COQ10B: variants seen among roughly 807,000 people sequenced by gnomAD.
COQ10B encodes the protein coenzyme Q-binding protein COQ10 homolog B, mitochondrial.
COQ10B carries 12 observed loss-of-function variants against 27.6 expected under a neutral mutation model. The ratio of observed to expected loss-of-function variants is 0.43; its 90% CI spans 0.28 to 0.70. COQ10B has a LOEUF of 0.70. Ranked by LOEUF, COQ10B falls within the 30% of genes least tolerant of loss-of-function variation. The probability of loss-of-function intolerance (pLI) is 0.17; values close to 1 mark genes in which losing one functional copy is unlikely to be tolerated. For synonymous variants in COQ10B, 115 were observed against 103.0 expected (o/e 1.12, Z -0.71); for missense variants, 278 against 288.7 (o/e 0.96, Z 0.27).
intron 1 of COQ10B, 173 bp downstream of exon 1, chr2:197,453,837 A>G: frequency 9.1e-7 from 1 of 1,098,356 alleles, no homozygotes; most frequent in Admixed American, 2.5e-5. Flanking sequence ...AGCGGCGCGC[A>G]TCACCTTGGG....
At chr2:197,461,906 G>T (rs2085763675) in intron 2 of COQ10B, among the ~76,000 whole-genome samples, 1 of 151,878 alleles carries the variant, frequency 6.6e-6, no homozygotes, top group Admixed American at 6.6e-5. Flanking sequence ...TTCCCAAAGT[G>T]CTGGGATTAC....
intron 3 of COQ10B, among the ~76,000 whole-genome samples, chr2:197,464,398 G>T (rs2085801813): frequency 6.6e-6 from 1 of 152,042 alleles, no homozygotes; most frequent in Non-Finnish European, 1.5e-5. Flanking sequence ...TCTTTGTTAG[G>T]CATTGAAGGG....
rs988693365 is a variant in COQ10B at position 197,475,101 on chromosome 2, T to C, written c.*1177T>C. On this transcript the variant is annotated 3_prime_UTR_variant, in exon 5 of 5. Coordinates refer to ENST00000263960, the MANE Select transcript of COQ10B (RefSeq NM_025147.5). ...AAGGACTGAAGTTGAAGTAGCAATG[T>C]AATAAAGTTAATTTGTTTATTTTTT... 3.3e-5 allele frequency: 5 copies of C among 152,376 alleles called. No individual in the cohort carries two copies. Among genetic ancestry groups the C allele is most frequent in the Non-Finnish European group, 7.3e-5 (5 of 68,040 alleles). 9.4% of individuals were successfully genotyped at this position (152,376 alleles called of 1,614,324 possible).
At chr2:197,462,118 A>C (rs932101301) in intron 2 of COQ10B, among the ~76,000 whole-genome samples, 2 of 151,962 alleles carry the variant, frequency 1.3e-5, no homozygotes, top group African/African-American at 4.8e-5. Flanking sequence ...AAGTACAAAA[A>C]ATTAGCTGAC....
chr2:197,462,036 G>A (rs1007523069), intron 2 of COQ10B, among the ~76,000 whole-genome samples: 13 of 151,976 alleles, frequency 8.6e-5, no homozygotes, highest in African/African-American at 2.9e-4. Flanking sequence ...TTGGGAGGCC[G>A]AGGTGGGCGG....
At chr2:197,473,667 CAA>C in intron 4 of COQ10B, 88 bp from the exon 5 acceptor site, 1 of 924,374 alleles carries the variant, frequency 1.1e-6, no homozygotes, top group Non-Finnish European at 1.5e-6. Context: ...ACCTGGGCAA[CAA>C]AGCGAGAGTC....
chr2:197,453,878 C>G, intron 1 of COQ10B: 1 of 1,387,998 alleles, frequency 7.2e-7, no homozygotes, highest in Non-Finnish European at 9.9e-7. Flanking sequence ...TCGTTTGCCT[C>G]GTGAGAGGCG....
At chr2:197,473,434 A>ATG (rs2085903047) in intron 4 of COQ10B, among the ~76,000 whole-genome samples, 2 of 109,212 alleles carry the variant, frequency 1.8e-5, no homozygotes, top group Non-Finnish European at 3.9e-5. Flanking sequence ...ATATATATAT[A>ATG]TATATATACA....
chr2:197,471,465 T>C (rs2085876633), intron 4 of COQ10B, among the ~76,000 whole-genome samples: 1 of 152,068 alleles, frequency 6.6e-6, no homozygotes, highest in Admixed American at 6.6e-5. Flanking sequence ...TTTCATATAA[T>C]CGTAGTTATA....
intron 4 of COQ10B, among the ~76,000 whole-genome samples, chr2:197,473,250 T>C (rs956823910): frequency 6.6e-6 from 1 of 151,168 alleles, no homozygotes; most frequent in African/African-American, 2.4e-5. Flanking sequence ...AGTGGAGATT[T>C]AGTTTAAAAA....
rs1553575249 is a variant in COQ10B, at chr2:197,472,813, A to AAG, written c.550-943_550-942insGA. 2.0e-3 allele frequency among the ~76,000 whole-genome samples: 303 copies of AAG among 151,582 alleles called. 3 individuals are homozygous for AAG. The highest frequency in any genetic ancestry group is 3.4e-3 in the Middle Eastern group (1 of 292). Reference sequence around the variant, plus strand: ...AAGGCTCCATCTCAAAAAAAAAAAAAAAAAAAAAGAAAGATTAAACCACTT... The same window carrying AAG: ...AAGGCTCCATCTCAAAAAAAAAAAAAAGAAAAAAAAGAAAGATTAAACCACTT... On this transcript the variant is annotated intron_variant, in intron 4 of 4. Coordinates refer to ENST00000263960, the MANE Select transcript of COQ10B (RefSeq NM_025147.5).
intron 4 of COQ10B, among the ~76,000 whole-genome samples, chr2:197,472,838 T>G (rs1287543424): frequency 6.6e-6 from 1 of 151,126 alleles, no homozygotes; most frequent in African/African-American, 2.4e-5. Context: ...TTAAACCACT[T>G]ACACCATCTG....
At position 197,473,957 on chromosome 2, in the gene COQ10B, A is replaced by C; in HGVS notation, c.*33A>C. 1 of 1,439,784 alleles carries C rather than the reference A, an allele frequency of 6.9e-7. No homozygotes were observed. Among genetic ancestry groups the C allele is most frequent in the Non-Finnish European group, 9.2e-7 (1 of 1,083,632 alleles). 89.2% of individuals were successfully genotyped at this position (1,439,784 alleles called of 1,614,324 possible). A position where few individuals can be genotyped will look rare whatever the true frequency, so the allele number is the denominator to read the frequency against. On this transcript the variant is annotated 3_prime_UTR_variant, in exon 5 of 5. Coordinates refer to ENST00000263960, the MANE Select transcript of COQ10B (RefSeq NM_025147.5). ...AAAGAACTGGTGCCACCTGCTTCTGACTTTAGTTTGTTCACTTTTAGGAAG... is the reference window on the plus strand; with the variant it reads ...AAAGAACTGGTGCCACCTGCTTCTGCCTTTAGTTTGTTCACTTTTAGGAAG...
intron 1 of COQ10B, among the ~76,000 whole-genome samples, chr2:197,459,387 A>G (rs1328641747): frequency 6.6e-6 from 1 of 152,106 alleles, no homozygotes; most frequent in Non-Finnish European, 1.5e-5. Context: ...GCTGGTCACA[A>G]ACTCCTGGCC....
At chr2:197,466,846 TC>T (rs996909891) in intron 3 of COQ10B, among the ~76,000 whole-genome samples, 9 of 152,182 alleles carry the variant, frequency 5.9e-5, no homozygotes, top group African/African-American at 1.4e-4. Flanking sequence ...CCCTATTTTT[TC>T]ATTATAAGTT....
intron 1 of COQ10B, among the ~76,000 whole-genome samples, chr2:197,459,182 T>C (rs1211522695): frequency 6.6e-6 from 1 of 152,210 alleles, no homozygotes; most frequent in Non-Finnish European, 1.5e-5. Flanking sequence ...TTTGCTTTTG[T>C]TGAGATAGAG....
intron 3 of COQ10B, among the ~76,000 whole-genome samples, chr2:197,468,102 C>T (rs1335479923): frequency 6.6e-6 from 1 of 152,038 alleles, no homozygotes; most frequent in East Asian, 1.9e-4. Context: ...CGTCCTTGGG[C>T]TAGATAATTG....
chr2:197,459,228 G>A (rs1245111970), intron 1 of COQ10B, among the ~76,000 whole-genome samples: 1 of 152,166 alleles, frequency 6.6e-6, no homozygotes, highest in Non-Finnish European at 1.5e-5. Context: ...TGCCCGTGGT[G>A]TGTTCATAGC....
chr2:197,461,588 TGTGTGTGA>T (rs1400406127), intron 2 of COQ10B, among the ~76,000 whole-genome samples: 1 of 140,226 alleles, frequency 7.1e-6, no homozygotes, highest in African/African-American at 2.9e-5. Flanking sequence ...TGTGTGTGTG[TGTGTGTGA>T]GGGAGGGAGA....
Sources: gnomAD v4.1 joint callset for allele counts (sites outside exome capture counted in the v4.1 genomes callset) on GRCh38, gnomAD v4.1.1 for gene constraint, MANE v1.5 for transcripts, NCBI Gene and HGNC (gene_info 2026-07-23, HGNC 2026-07-21) for gene names.